The following SARM1 variants were observed in gnomAD, a reference collection of about 807,000 sequenced individuals.
SARM1 encodes sterile alpha and TIR motif containing 1, also known as NAD(+) hydrolase SARM1.
Under a neutral mutation model 65.1 loss-of-function variants are expected in SARM1, and 60 were observed. The observed-to-expected ratio is 0.92, with a 90% CI of 0.75 to 1.14. The LOEUF (loss-of-function observed/expected upper bound fraction) is 1.14, where lower values mean the gene tolerates loss of function less well. SARM1 is among the 50% of genes most tolerant of loss of function. The pLI is 0.00. For synonymous variants in SARM1, 417 were observed against 465.4 expected, an observed-to-expected ratio of 0.90 and a Z score of 1.34; for missense variants, 913 against 1,015.7, an observed-to-expected ratio of 0.90 and a Z score of 1.37.
At chr17:28,379,250 T>C (rs1330622582) in intron 1 of SARM1, among the ~76,000 whole-genome samples, 1 of 150,284 alleles carries the variant, frequency 6.7e-6, no homozygotes, top group Non-Finnish European at 1.5e-5. Flanking sequence ...TAAAATAAAA[T>C]GATTTAGGTG....
Position 28,384,200 on chromosome 17 carries a change from G to A in SARM1, c.1090-157G>A, listed in dbSNP as rs1040577805. Among the ~76,000 whole-genome samples the A allele has an allele frequency of 1.3e-5, 2 of 152,200 alleles. No homozygotes were observed. The highest frequency in any genetic ancestry group is 2.9e-5 in the Non-Finnish European group (2 of 68,046). On this transcript the variant is annotated intron_variant, in intron 2 of 8. Transcript: ENST00000585482. This position sits in a 1 kb window ranked among gnomAD's most constrained non-coding sequence, Gnocchi z 4.4. ...AGAATTGAGAGAACTTCAGGAGGGGGAATCCGCAGGACCCCATGACTTAGT... is the reference window on the plus strand; with the variant it reads ...AGAATTGAGAGAACTTCAGGAGGGGAAATCCGCAGGACCCCATGACTTAGT...
Position 28,381,386 on chromosome 17 carries a change from G to A in SARM1, c.654G>A (p.Thr218=). 1 of 1,560,422 alleles carries A rather than the reference G, an allele frequency of 6.4e-7. No homozygotes were observed. ...CGGTGCTGTATTGGTGCCGCCGCACGGACCCCGCGCTGCTGCGCCACTGCG... is the reference window on the plus strand; with the variant it reads ...CGGTGCTGTATTGGTGCCGCCGCACAGACCCCGCGCTGCTGCGCCACTGCG... ...LDAVLYWCRR[T]DPALLRHCAL... The change falls in exon 2 of 9, where the codon ACG becomes ACA. Residue 218 remains threonine, a synonymous_variant. Coordinates refer to ENST00000585482, the MANE Select transcript of SARM1 (RefSeq NM_015077.4).
intron 7 of SARM1, among the ~76,000 whole-genome samples, chr17:28,393,148 A>G (rs1597823820): frequency 6.6e-6 from 1 of 152,230 alleles, no homozygotes; most frequent in Non-Finnish European, 1.5e-5. Context: ...CGTATTAAGC[A>G]TACACTGCAT....
At position 28,388,491 on chromosome 17, in the gene SARM1, A is replaced by G. The variant is rs2068064424; in HGVS notation, c.1875A>G (p.Ala625=). ...RNFVLVLSPG[A]LDKCMQDHDC... ...TTGTGTTGGTGCTATCACCTGGAGC[A>G]CTGGACAAGTGCATGCAAGACCATG... Residue 625 remains alanine (A), a synonymous_variant, in exon 7 of 9, where the codon GCA becomes GCG. Coordinates refer to ENST00000585482, the MANE Select transcript of SARM1 (RefSeq NM_015077.4). 6.2e-7 allele frequency: 1 copy of G among 1,613,946 alleles called. No homozygotes were observed.
chr17:28,400,561 T>G lies in SARM1; in HGVS notation c.*4275T>G. 6.2e-7 allele frequency: 1 copy of G among 1,604,954 alleles called. No individual in the cohort carries two copies. Among genetic ancestry groups the G allele is most frequent in the Non-Finnish European group, 8.5e-7 (1 of 1,175,084 alleles). ...TGGTTGGGAGGAGAAGAGGAAACTT[T>G]TAAGAGAAAGGGCTCCATTATGAGC... is the stretch of plus-strand genomic sequence containing the variant. On this transcript the variant is annotated 3_prime_UTR_variant, in exon 9 of 9. Coordinates refer to ENST00000585482, the MANE Select transcript of SARM1 (RefSeq NM_015077.4).
chr17:28,379,008 A>C (rs1597816849), intron 1 of SARM1, among the ~76,000 whole-genome samples: 1 of 152,128 alleles, frequency 6.6e-6, no homozygotes, highest in Admixed American at 6.5e-5. Context: ...ACTTCCTCAC[A>C]CTACAAATGA....
chr17:28,379,299 CTTTTTTTTTTTTT>C lies in SARM1; in HGVS notation c.471-1887_471-1875del, dbSNP rs1193480505. 7.7e-5 allele frequency among the ~76,000 whole-genome samples: 6 copies of C among 78,360 alleles called. No homozygotes were observed. In the East Asian group the frequency reaches 1.3e-3, roughly 17 times the overall value. The allele number at this position is 78,360 out of a possible 152,430, so 51.4% of individuals were successfully genotyped here. Reference sequence around the variant, plus strand: ...AAAGGGTAATTTTCTCCATTTAGATCTTTTTTTTTTTTTTTTTTTTTTTTTTTTTGAGACGGAG... The same window carrying C: ...AAAGGGTAATTTTCTCCATTTAGATCTTTTTTTTTTTTTTTTGAGACGGAG... On this transcript the variant is annotated intron_variant, in intron 1 of 8. Coordinates refer to ENST00000585482, the MANE Select transcript of SARM1 (RefSeq NM_015077.4).
rs372087255 is a variant in SARM1, at chr17:28,402,183, G to A, written c.*5897G>A. 2.2e-4 allele frequency: 325 copies of A among 1,499,156 alleles called. No homozygotes were observed. In the African/African-American group the frequency reaches 2.8e-3, roughly 13 times the overall value. The allele number at this position is 1,499,156 out of a possible 1,614,324, so 92.9% of individuals were successfully genotyped here. On this transcript the variant is annotated 3_prime_UTR_variant, in exon 9 of 9. Transcript: ENST00000585482. The stretch of plus-strand genomic sequence containing the variant: ...CCCAGCCATGGCTGCCCATCAGCCC[G>A]TTTCGGGCAGCACTGGACATGAGGA...
chr17:28,384,745 TC>T lies in SARM1; in HGVS notation c.1303-92del. ...TCTGATCTAGGTCCCATCCGCCTCC[TC>T]CACGCCATCTCCAGTTCCTTCCCTT... is the stretch of plus-strand genomic sequence containing the variant. On this transcript the variant is annotated intron_variant, in intron 3 of 8. Coordinates refer to ENST00000585482, the MANE Select transcript of SARM1 (RefSeq NM_015077.4). This position sits in a 1 kb window ranked among gnomAD's most constrained non-coding sequence, Gnocchi z 4.4. 7.6e-7 allele frequency: 1 copy of T among 1,310,534 alleles called. No individual in the cohort carries two copies. The highest frequency in any genetic ancestry group is 1.1e-6 in the Non-Finnish European group (1 of 931,608). The allele number at this position is 1,310,534 out of a possible 1,614,324, so 81.2% of individuals were successfully genotyped here. A position where few individuals can be genotyped will look rare whatever the true frequency, so the allele number is the denominator to read the frequency against.
rs1436003414 is a variant in SARM1, at chr17:28,398,158, A to T, written c.*1872A>T. The T allele has an allele frequency of 1.3e-5, 2 of 152,334 alleles. No individual in the cohort carries two copies. The highest frequency in any genetic ancestry group is 6.5e-5 in the Admixed American group (1 of 15,292). 9.4% of individuals were successfully genotyped at this position (152,334 alleles called of 1,614,324 possible). A position where few individuals can be genotyped will look rare whatever the true frequency, so the allele number is the denominator to read the frequency against. ...GCCAATAACAATACAGTGTCTGAGT[A>T]TCTCCAGGGGATGATTTCTGGCTCT... On this transcript the variant is annotated 3_prime_UTR_variant, in exon 9 of 9. Coordinates refer to ENST00000585482, the MANE Select transcript of SARM1 (RefSeq NM_015077.4).
At position 28,402,398 on chromosome 17, in the gene SARM1, A is replaced by G. The variant is rs1555589827; in HGVS notation, c.*6112A>G. 2.4e-6 allele frequency: 3 copies of G among 1,274,186 alleles called. No homozygotes were observed. In the African/African-American group the frequency reaches 4.4e-5, roughly 19 times the overall value. 78.9% of individuals were successfully genotyped at this position (1,274,186 alleles called of 1,614,324 possible). A position where few individuals can be genotyped will look rare whatever the true frequency, so the allele number is the denominator to read the frequency against. On this transcript the variant is annotated 3_prime_UTR_variant, in exon 9 of 9. Coordinates refer to ENST00000585482, the MANE Select transcript of SARM1 (RefSeq NM_015077.4). ...CCAAGGGAAAGGCAGCAGAGCTCCT[A>G]TCCATACCCCACGTGGGGCTTAGGT... is the stretch of plus-strand genomic sequence containing the variant.
chr17:28,384,573 G>C lies in SARM1; in HGVS notation c.1302+4G>C, dbSNP rs1372710756. On this transcript the variant is annotated splice_donor_region_variant and intron_variant, in intron 3 of 8. Coordinates refer to ENST00000585482, the MANE Select transcript of SARM1 (RefSeq NM_015077.4). This position sits in a 1 kb window ranked among gnomAD's most constrained non-coding sequence, Gnocchi z 4.4. ...CAAGTACTGCGAGAGCTTCCGGGTA[G>C]AGTCGCGTGGGATACGCCTCCCCCG... 5 of 1,593,758 alleles carry C rather than the reference G, an allele frequency of 3.1e-6. No individual in the cohort carries two copies. Among genetic ancestry groups the C allele is most frequent in the Non-Finnish European group, 4.3e-6 (5 of 1,170,524 alleles).
intron 5 of SARM1, chr17:28,386,534 C>T (rs1326042375): frequency 6.6e-6 from 1 of 152,076 alleles, no homozygotes; most frequent in Middle Eastern, 3.2e-3. Context: ...CATAAACAAA[C>T]AAATGTTGTC....
At chr17:28,375,114 C>T (rs1189460045) in intron 1 of SARM1, among the ~76,000 whole-genome samples, 1 of 152,064 alleles carries the variant, frequency 6.6e-6, no homozygotes, top group African/African-American at 2.4e-5. Flanking sequence ...TTCCAACTAC[C>T]AGAAGTCCAA....
rs1179000224 is a variant in SARM1, at chr17:28,372,225, C to T, written c.193C>T (p.Leu65=). 2.9e-6 allele frequency: 4 copies of T among 1,385,728 alleles called. No individual in the cohort carries two copies. The African/African-American group carries it at 4.6e-5, about 16-fold the overall frequency. The allele number at this position is 1,385,728 out of a possible 1,614,324, so 85.8% of individuals were successfully genotyped here. Residue 65 remains leucine, a synonymous_variant, in exon 1 of 9, where the codon CTG becomes TTG. Transcript: ENST00000585482. The surrounding 1 kb of genome is among the most constrained non-coding windows in gnomAD (Gnocchi z 5.2). ...PGAGTEVQDA[L]ERALPELQQA... is the part of the protein sequence containing the mutation. The stretch of plus-strand genomic sequence containing the variant: ...GGCAGGCACCGAGGTGCAGGACGCC[C>T]TGGAGCGCGCGCTGCCGGAGCTGCA...
At chr17:28,379,347 G>C (rs2068009049) in intron 1 of SARM1, among the ~76,000 whole-genome samples, 1 of 109,666 alleles carries the variant, frequency 9.1e-6, no homozygotes, top group Non-Finnish European at 1.7e-5. Context: ...GTCTCGCTCT[G>C]TTGCCCAGGC....
chr17:28,374,992 AAAAC>A (rs2067981007), intron 1 of SARM1, among the ~76,000 whole-genome samples: 4 of 151,506 alleles, frequency 2.6e-5, no homozygotes, highest in African/African-American at 9.7e-5. Flanking sequence ...AAAAAAAAAA[AAAAC>A]AATTCCATCA....
In SARM1 at chr17:28,381,644, C is replaced by A. The variant is rs782186429; in HGVS notation, c.912C>A (p.Asp304Glu). ...ALVEPLVASLDPGRFARCLVD... is the reference protein window; with the variant it reads ...ALVEPLVASLEPGRFARCLVD... Reference sequence around the variant, plus strand: ...TGGAGCCGCTTGTGGCCTCGCTGGACCCTGGCCGCTTCGCCCGCTGTCTGG... The same window carrying A: ...TGGAGCCGCTTGTGGCCTCGCTGGAACCTGGCCGCTTCGCCCGCTGTCTGG... The change falls in exon 2 of 9, where the codon GAC becomes GAA. Residue 304 changes from aspartate to glutamate, a missense_variant. This residue lies in a region of SARM1 where 862 missense variants were observed against 952.1 expected (regional missense o/e 0.91). Transcript: ENST00000585482. 4 of 1,560,166 alleles carry A rather than the reference C, an allele frequency of 2.6e-6. No individual in the cohort carries two copies. The South Asian group carries it at 4.7e-5, about 18-fold the overall frequency.
rs1416227757 is a variant in SARM1, at chr17:28,384,214, C to T, written c.1090-143C>T. The stretch of plus-strand genomic sequence containing the variant: ...TTCAGGAGGGGGAATCCGCAGGACC[C>T]CATGACTTAGTGGCTGAAGGTGGGG... On this transcript the variant is annotated intron_variant, in intron 2 of 8. Coordinates refer to ENST00000585482, the MANE Select transcript of SARM1 (RefSeq NM_015077.4). This position sits in a 1 kb window ranked among gnomAD's most constrained non-coding sequence, Gnocchi z 4.4. The T allele has an allele frequency of 1.6e-6, 1 of 632,842 alleles. No individual in the cohort carries two copies. The highest frequency in any genetic ancestry group is 2.7e-6 in the Non-Finnish European group (1 of 375,880). 39.2% of individuals were successfully genotyped at this position (632,842 alleles called of 1,614,324 possible).
Sources: allele counts gnomAD v4.1 joint callset (sites outside exome capture counted in the v4.1 genomes callset), GRCh38; gene constraint gnomAD v4.1.1; regional missense constraint gnomAD v4.1.1; non-coding constraint Gnocchi (gnomAD v3.1); transcripts MANE v1.5; gene names NCBI Gene and HGNC (gene_info 2026-07-23, HGNC 2026-07-21).